Variants in SLIT2 observed in about 807,000 individuals in gnomAD.
SLIT2 encodes the protein slit homolog 2 protein.
SLIT2 carries 41 observed loss-of-function variants against 185.7 expected under a neutral mutation model. The observed-to-expected ratio is 0.22, with a 90% CI of 0.17 to 0.29. The LOEUF is 0.29. Among genes scored for constraint, SLIT2 ranks in the 10% least tolerant of loss-of-function variants. The pLI, the probability that SLIT2 is intolerant of heterozygous loss-of-function variation, is 1.00. For missense variants in SLIT2, 1,571 were observed against 1,909.0 expected (o/e 0.82, Z 3.30); for synonymous variants, 693 against 680.2 (o/e 1.02, Z -0.29).
chr4:20,318,404 C>A (rs1306737553), intron 4 of SLIT2, among the ~76,000 whole-genome samples: 1 of 152,024 alleles, frequency 6.6e-6, no homozygotes, highest in Non-Finnish European at 1.5e-5. Flanking sequence ...TTCATCAATA[C>A]CAAAAGTAGA....
intron 22 of SLIT2, 39 bp from the exon 23 acceptor site, chr4:20,548,449 T>G (rs1285331440): frequency 1.0e-6 from 1 of 1,003,102 alleles, no homozygotes; most frequent in East Asian, 2.4e-5. Context: ...TTTTCATTTC[T>G]GTGGTTAATA....
At chr4:20,527,325 T>G (rs951750723) in intron 15 of SLIT2, among the ~76,000 whole-genome samples, 12 of 152,050 alleles carry the variant, frequency 7.9e-5, no homozygotes, top group Admixed American at 3.9e-4. Flanking sequence ...TCTCGCTGTC[T>G]CCCAGGCTGG....
At chr4:20,400,533 G>A (rs545033896) in intron 4 of SLIT2, among the ~76,000 whole-genome samples, 4 of 151,658 alleles carry the variant, frequency 2.6e-5, no homozygotes, top group African/African-American at 9.7e-5. Flanking sequence ...TTGAGCATGA[G>A]ACTTTTTTTT....
intron 4 of SLIT2, among the ~76,000 whole-genome samples, chr4:20,353,488 A>C (rs1722048131): frequency 6.6e-6 from 1 of 152,182 alleles, no homozygotes; most frequent in Non-Finnish European, 1.5e-5. Context: ...CATAAACAGA[A>C]AGGCAGGAGC....
chr4:20,560,474 G>T (rs1043485995), intron 26 of SLIT2, among the ~76,000 whole-genome samples: 2 of 151,870 alleles, frequency 1.3e-5, no homozygotes, highest in Non-Finnish European at 2.9e-5. Context: ...TGAGTGGGAA[G>T]CAGATGGCCA....
At chr4:20,593,164 A>G (rs951703002) in intron 30 of SLIT2, among the ~76,000 whole-genome samples, 2 of 152,176 alleles carry the variant, frequency 1.3e-5, no homozygotes, top group African/African-American at 4.8e-5. Context: ...TAAAGACTAT[A>G]TAGAGAATTA....
At chr4:20,469,632 T>C (rs1714746658) in intron 5 of SLIT2, among the ~76,000 whole-genome samples, 1 of 151,762 alleles carries the variant, frequency 6.6e-6, no homozygotes, top group Admixed American at 6.6e-5. Context: ...TTAGATGAGT[T>C]TTTTTAAAAT....
rs576029751 is a variant in SLIT2 at position 20,542,763 on chromosome 4, A to G, written c.2276+137A>G. On this transcript the variant is annotated intron_variant, in intron 21 of 36. Transcript: ENST00000504154. ...AGGCCAGTTAATTATTATCCTGTAA[A>G]ATGGTAAATAAGTAATGCAAAAGCT... is the stretch of plus-strand genomic sequence containing the variant. 2.6e-5 allele frequency: 24 copies of G among 938,524 alleles called. No individual in the cohort carries two copies. In the African/African-American group the frequency reaches 3.5e-4, roughly 14 times the overall value. The allele number at this position is 938,524 out of a possible 1,614,324, so 58.1% of individuals were successfully genotyped here.
chr4:20,607,119 C>T (rs1010805530), intron 33 of SLIT2, among the ~76,000 whole-genome samples: 1 of 152,114 alleles, frequency 6.6e-6, no homozygotes, highest in Non-Finnish European at 1.5e-5. Flanking sequence ...TAGTACCTGG[C>T]CCTTAGTATG....
chr4:20,397,673 A>C (rs1277062749), intron 4 of SLIT2, among the ~76,000 whole-genome samples: 1 of 151,848 alleles, frequency 6.6e-6, no homozygotes, highest in African/African-American at 2.4e-5. Context: ...TGCAGTTGCC[A>C]ATAATATCCT....
At position 20,475,426 on chromosome 4, in the gene SLIT2, T is replaced by C. The variant is rs540224535; in HGVS notation, c.468-5290T>C. Among the ~76,000 whole-genome samples the C allele has an allele frequency of 1.1e-4, 16 of 152,056 alleles. No individual in the cohort carries two copies. In the South Asian group the frequency reaches 3.1e-3, roughly 30 times the overall value. The stretch of plus-strand genomic sequence containing the variant: ...CTGCTGGTCTCTTCCATAGTAATCA[T>C]TGATTTAGCTGAAACCTCCATTTGG... On this transcript the variant is annotated intron_variant, in intron 5 of 36. Transcript: ENST00000504154.
chr4:20,553,075 G>C (rs947391389), intron 25 of SLIT2, among the ~76,000 whole-genome samples: 2 of 152,162 alleles, frequency 1.3e-5, no homozygotes, highest in Non-Finnish European at 2.9e-5. Context: ...GAACGATCTT[G>C]AAAAGTGACA....
chr4:20,544,149 T>G (rs1241410710), intron 21 of SLIT2, among the ~76,000 whole-genome samples: 4 of 152,094 alleles, frequency 2.6e-5, no homozygotes, highest in Non-Finnish European at 5.9e-5. Context: ...GTTGTGCACA[T>G]GTACCCTAGA....
chr4:20,475,464 T>A (rs1434748189), intron 5 of SLIT2, among the ~76,000 whole-genome samples: 1 of 152,038 alleles, frequency 6.6e-6, no homozygotes, highest in Non-Finnish European at 1.5e-5. Context: ...AACAAAAAGT[T>A]CCTGAGTCTT....
At chr4:20,554,283 G>A (rs1274659793) in intron 26 of SLIT2, 20 of 477,106 alleles carry the variant, frequency 4.2e-5, no homozygotes, top group Non-Finnish European at 7.9e-5. Flanking sequence ...CTTTTGCCCT[G>A]TCTGAACATG....
chr4:20,266,985 G>C (rs1228690327), intron 3 of SLIT2, among the ~76,000 whole-genome samples: 1 of 151,980 alleles, frequency 6.6e-6, no homozygotes. Flanking sequence ...GGTAAATCTC[G>C]TGGTTTGGAT....
chr4:20,612,062 A>T (rs908272932), intron 34 of SLIT2, among the ~76,000 whole-genome samples: 2 of 152,098 alleles, frequency 1.3e-5, no homozygotes, highest in Non-Finnish European at 2.9e-5. Context: ...GCCCCTTTAG[A>T]ATATAGTATA....
chr4:20,596,449 C>A lies in SLIT2; in HGVS notation c.3355C>A (p.Leu1119Ile), dbSNP rs761804763. Residue 1119 changes from leucine (L) to isoleucine (I), a missense_variant, in exon 32 of 37, where the codon CTC (leucine) becomes ATC (isoleucine). This residue lies in a region of SLIT2 where 1,202 missense variants were observed against 1,416.4 expected (regional missense o/e 0.85). Transcript: ENST00000504154. Reference protein sequence around the residue: ...LFCEFSPPMVLPRTSPCDNFD... With the variant: ...LFCEFSPPMVIPRTSPCDNFD... ...CTGTGAGTTTTCTCCACCCATGGTCCTCCCTCGTACCAGCCCCTGTGATAA... is the reference window on the plus strand; with the variant it reads ...CTGTGAGTTTTCTCCACCCATGGTCATCCCTCGTACCAGCCCCTGTGATAA... 2 of 1,613,900 alleles carry A rather than the reference C, an allele frequency of 1.2e-6. No homozygotes were observed. The highest frequency in any genetic ancestry group is 1.7e-6 in the Non-Finnish European group (2 of 1,179,896).
chr4:20,532,190 G>T, intron 17 of SLIT2, 132 bp downstream of exon 17: 2 of 582,236 alleles, frequency 3.4e-6, no homozygotes, highest in South Asian at 4.7e-5. Context: ...CCTGTAACAT[G>T]AATTTAGGGT....
Sources: allele counts gnomAD v4.1 joint callset (sites outside exome capture counted in the v4.1 genomes callset), GRCh38; gene constraint gnomAD v4.1.1; regional missense constraint gnomAD v4.1.1; transcripts MANE v1.5; gene names NCBI Gene and HGNC (gene_info 2026-07-23, HGNC 2026-07-21).